Variants in ABLIM1 observed in about 807,000 individuals in gnomAD.
The protein encoded by ABLIM1 is actin-binding LIM protein 1.
ABLIM1 carries 40 observed loss-of-function variants against 107.0 expected under a neutral mutation model. The observed-to-expected ratio is 0.37, with a 90% confidence interval of 0.29 to 0.49. The LOEUF (loss-of-function observed/expected upper bound fraction) is 0.49. Among genes scored for constraint, ABLIM1 ranks in the 20% least tolerant of loss-of-function variants. The probability of loss-of-function intolerance (pLI) is 0.97; values close to 1 mark genes in which losing one functional copy is unlikely to be tolerated. For missense variants in ABLIM1, 857 were observed against 1,008.5 expected (o/e 0.85, Z 2.04); for synonymous variants, 357 against 357.3 (o/e 1.00, Z 0.01).
intron 1 of ABLIM1, among the ~76,000 whole-genome samples, chr10:114,732,572 T>C (rs2082098705): frequency 6.6e-6 from 1 of 152,226 alleles, no homozygotes; most frequent in South Asian, 2.1e-4. Context: ...ATTATGATTT[T>C]GATGAAATCT....
At chr10:114,529,127 T>C (rs1314759173) in intron 6 of ABLIM1, among the ~76,000 whole-genome samples, 1 of 135,394 alleles carries the variant, frequency 7.4e-6, no homozygotes, top group Non-Finnish European at 1.6e-5. Context: ...CTTCATCCTC[T>C]TTTTTTTTTT....
At chr10:114,593,859 G>A (rs1460127517) in intron 2 of ABLIM1, among the ~76,000 whole-genome samples, 1 of 152,094 alleles carries the variant, frequency 6.6e-6, no homozygotes, top group Admixed American at 6.6e-5. Context: ...AAACCTAAAT[G>A]TTTTAAAAAC....
chr10:114,511,886 C>T (rs879794722), intron 6 of ABLIM1, among the ~76,000 whole-genome samples: 20 of 152,136 alleles, frequency 1.3e-4, no homozygotes, highest in Admixed American at 1.3e-3. Flanking sequence ...TCCTGTGGAC[C>T]CAGAAGGTCT....
At chr10:114,439,725 G>C (rs185240597) in intron 20 of ABLIM1, 2 of 350,598 alleles carry the variant, frequency 5.7e-6, no homozygotes, top group South Asian at 4.0e-5. Context: ...ATTTGAGAAC[G>C]CGCAGGAAAA....
intron 7 of ABLIM1, 81 bp from the exon 8 acceptor site, chr10:114,488,097 C>G: frequency 1.4e-6 from 2 of 1,390,658 alleles, no homozygotes; most frequent in Non-Finnish European, 2.0e-6. Context: ...CTGAGAATGG[C>G]TCCTATCCCT....
In ABLIM1 at chr10:114,557,671, G is replaced by GTTTTGT. The variant is rs1555173409; in HGVS notation, c.674-9896_674-9895insACAAAA. Among the ~76,000 whole-genome samples the GTTTTGT allele has an allele frequency of 1.7e-4, 12 of 72,464 alleles. 1 individual carries two copies. The highest frequency in any genetic ancestry group is 3.4e-4 in the African/African-American group (5 of 14,828). 47.5% of individuals were successfully genotyped at this position (72,464 alleles called of 152,430 possible). ...TGACCCAATAGCTCCATAGTGAGGTGTTTTTTTTTTTTTTTTTTTTTTGGA... is the reference window on the plus strand; with the variant it reads ...TGACCCAATAGCTCCATAGTGAGGTGTTTTGTTTTTTTTTTTTTTTTTTTTTTTGGA... On this transcript the variant is annotated intron_variant, in intron 4 of 22. Transcript: ENST00000533213.
chr10:114,538,422 G>T (rs1040845754), intron 6 of ABLIM1, among the ~76,000 whole-genome samples: 15 of 152,162 alleles, frequency 9.9e-5, no homozygotes, highest in Non-Finnish European at 1.5e-5. Context: ...GGGCAGAATG[G>T]ACAGGCATTC....
intron 2 of ABLIM1, among the ~76,000 whole-genome samples, chr10:114,577,573 G>A (rs2497748): frequency 0.26 from 40,127 of 152,090 alleles, 6,374 homozygotes; most frequent in African/African-American, 0.43. Flanking sequence ...TAGGGCACCT[G>A]TCTGCAGCCT....
At chr10:114,745,463 A>G (rs2082364862) in intron 1 of ABLIM1, among the ~76,000 whole-genome samples, 1 of 152,222 alleles carries the variant, frequency 6.6e-6, no homozygotes, top group African/African-American at 2.4e-5. Context: ...CAGGAGGCTG[A>G]GGCAGGATAA....
chr10:114,566,047 G>A (rs986800509), intron 4 of ABLIM1, among the ~76,000 whole-genome samples: 18 of 152,004 alleles, frequency 1.2e-4, no homozygotes, highest in South Asian at 6.2e-4. Flanking sequence ...CGCCTGCCTC[G>A]GCCTCCCAAA....
intron 4 of ABLIM1, among the ~76,000 whole-genome samples, chr10:114,560,538 G>C (rs2497737): frequency 0.37 from 56,679 of 152,112 alleles, 13,898 homozygotes; most frequent in African/African-American, 0.7. Flanking sequence ...ACAGTATTCA[G>C]TATAGTCACA....
At chr10:114,743,977 A>T (rs2082334395) in intron 1 of ABLIM1, among the ~76,000 whole-genome samples, 1 of 152,242 alleles carries the variant, frequency 6.6e-6, no homozygotes, top group Non-Finnish European at 1.5e-5. Context: ...TGGGGAGAAG[A>T]GTCTCATTTC....
At chr10:114,728,612 AAAAC>A (rs2082010841) in intron 1 of ABLIM1, among the ~76,000 whole-genome samples, 1 of 151,974 alleles carries the variant, frequency 6.6e-6, no homozygotes, top group Non-Finnish European at 1.5e-5. Context: ...AAAAATAGAA[AAAAC>A]AAAAAGCAAG....
intron 8 of ABLIM1, among the ~76,000 whole-genome samples, chr10:114,478,613 C>G (rs949026185): frequency 2.0e-5 from 3 of 152,210 alleles, no homozygotes; most frequent in African/African-American, 4.8e-5. Flanking sequence ...GTCTTTGCTT[C>G]CCCTTTGCCT....
At chr10:114,699,104 C>CAA (rs11344931) in intron 1 of ABLIM1, among the ~76,000 whole-genome samples, 4,210 of 115,022 alleles carry the variant, frequency 0.037, 128 homozygotes, top group Non-Finnish European at 0.045. Flanking sequence ...TTTTGCTTAG[C>CAA]AAAAAAAAAA....
intron 1 of ABLIM1, among the ~76,000 whole-genome samples, chr10:114,677,048 C>T (rs574128618): frequency 8.5e-5 from 13 of 152,130 alleles, no homozygotes; most frequent in Non-Finnish European, 1.6e-4. Context: ...AGTTTATCTA[C>T]CTCAAGAAAA....
At chr10:114,658,422 C>A (rs549827401), upstream of ABLIM1, 42 of 696,052 alleles carry the variant, frequency 6.0e-5, no homozygotes, top group East Asian at 1.4e-3. Flanking sequence ...ACCAGGAACT[C>A]GAGACTTTCA....
rs35420465 is a variant in ABLIM1, at chr10:114,578,785, C to CTTT, written c.380-3189_380-3187dup. Among the ~76,000 whole-genome samples the CTTT allele has an allele frequency of 2.5e-3, 278 of 111,702 alleles. 5 individuals carry two copies. The highest frequency in any genetic ancestry group is 4.6e-3 in the African/African-American group (130 of 28,066). The allele number at this position is 111,702 out of a possible 152,430, so 73.3% of individuals were successfully genotyped here. On this transcript the variant is annotated intron_variant, in intron 2 of 22. Coordinates refer to ENST00000533213, the MANE Select transcript of ABLIM1 (RefSeq NM_002313.7). ...TTCTTTTTCTTTCTTTCTTTCTTTT[C>CTTT]TTTTTTTTTTTTTTTTTGAGATGGA...
At chr10:114,492,019 C>T (rs2059070911) in intron 6 of ABLIM1, 141 bp from the exon 7 acceptor site, 6 of 634,006 alleles carry the variant, frequency 9.5e-6, no homozygotes, top group Admixed American at 3.1e-5. Flanking sequence ...CTTCCTACAC[C>T]AACAGCCCCG....
Sources: gnomAD v4.1 joint callset for allele counts (sites outside exome capture counted in the v4.1 genomes callset) on GRCh38, gnomAD v4.1.1 for gene constraint, MANE v1.5 for transcripts, NCBI Gene and HGNC (gene_info 2026-07-23, HGNC 2026-07-21) for gene names.